MACROD2: variants seen among roughly 807,000 people sequenced by gnomAD.
The protein encoded by MACROD2 is ADP-ribose glycohydrolase MACROD2.
In MACROD2, 36 loss-of-function variants were observed where a neutral mutation model predicts 70.4. The ratio of observed to expected loss-of-function variants is 0.51; its 90% CI spans 0.39 to 0.68. MACROD2 has a LOEUF of 0.68. Ranked by LOEUF, MACROD2 falls within the 30% of genes least tolerant of loss-of-function variation. The pLI is 0.00. For synonymous variants in MACROD2, 172 were observed against 178.8 expected, an observed-to-expected ratio of 0.96 and a Z score of 0.30; for missense variants, 496 against 538.4, an observed-to-expected ratio of 0.92 and a Z score of 0.78.
rs367623027 is a variant in MACROD2, at chr20:15,303,048, T to C, written c.540+72987T>C. On this transcript the variant is annotated intron_variant, in intron 6 of 17. Transcript: ENST00000684519. ...CACAAGTGACATGCTTGGTAAATAG[T>C]AGCTGCTGTTAATTCTTTTAAATTC... Among the ~76,000 whole-genome samples, 146 of 152,356 alleles carry C rather than the reference T, an allele frequency of 9.6e-4. 2 individuals carry two copies. In the South Asian group the frequency reaches 0.03, roughly 31 times the overall value.
chr20:14,886,880 CA>C (rs1268946270), intron 5 of MACROD2, among the ~76,000 whole-genome samples: 2 of 152,118 alleles, frequency 1.3e-5, no homozygotes, highest in African/African-American at 2.4e-5. Context: ...GCCATCATGG[CA>C]GCCTTCTTTA....
intron 8 of MACROD2, among the ~76,000 whole-genome samples, chr20:15,723,398 A>G (rs952904514): frequency 6.6e-5 from 10 of 152,228 alleles, no homozygotes; most frequent in African/African-American, 2.2e-4. Flanking sequence ...AGTATCTTAC[A>G]GAGTATTTTC....
intron 4 of MACROD2, among the ~76,000 whole-genome samples, chr20:14,618,011 G>C (rs980440018): frequency 1.3e-5 from 2 of 152,108 alleles, no homozygotes; most frequent in Admixed American, 1.3e-4. Flanking sequence ...ATGTCATCCT[G>C]ACTAAAGTCA....
chr20:15,612,837 GCTT>G (rs970318230), intron 8 of MACROD2, among the ~76,000 whole-genome samples: 14 of 152,316 alleles, frequency 9.2e-5, no homozygotes, highest in Admixed American at 2.6e-4. Context: ...AAATAGGACA[GCTT>G]CTTTTGAGAG....
At chr20:14,298,839 G>C (rs1390870453) in intron 3 of MACROD2, among the ~76,000 whole-genome samples, 1 of 152,130 alleles carries the variant, frequency 6.6e-6, no homozygotes. Flanking sequence ...AATAGCAGGA[G>C]AACTAGAACT....
intron 3 of MACROD2, among the ~76,000 whole-genome samples, chr20:14,448,264 T>A (rs2084205614): frequency 6.6e-6 from 1 of 151,996 alleles, no homozygotes; most frequent in African/African-American, 2.4e-5. Flanking sequence ...TGTACTAAAT[T>A]GAGACTCTGT....
At chr20:15,929,203 A>C (rs553052052) in intron 10 of MACROD2, among the ~76,000 whole-genome samples, 1 of 152,276 alleles carries the variant, frequency 6.6e-6, no homozygotes, top group Non-Finnish European at 1.5e-5. Flanking sequence ...TTGGGTTCAA[A>C]CTTGCTCCAT....
At chr20:14,988,667 A>G (rs187581421) in intron 5 of MACROD2, among the ~76,000 whole-genome samples, 91 of 152,292 alleles carry the variant, frequency 6.0e-4, no homozygotes, top group African/African-American at 2.0e-3. Context: ...ACTCATCAGT[A>G]CCCACATCTG....
chr20:15,062,888 A>G (rs543351294), intron 5 of MACROD2, among the ~76,000 whole-genome samples: 1 of 152,302 alleles, frequency 6.6e-6, no homozygotes, highest in Non-Finnish European at 1.5e-5. Flanking sequence ...CTGGTGTCCA[A>G]AACTCCCCAG....
intron 8 of MACROD2, among the ~76,000 whole-genome samples, chr20:15,683,260 A>G (rs1197656230): frequency 6.6e-6 from 1 of 152,288 alleles, no homozygotes. Flanking sequence ...GTATAATGCA[A>G]TGCCTCTTTG....
chr20:14,797,459 T>C (rs1171078980), intron 5 of MACROD2, among the ~76,000 whole-genome samples: 3 of 152,058 alleles, frequency 2.0e-5, no homozygotes. Context: ...CCAGACATAC[T>C]GGCCTTCCTT....
rs114999271 is a variant in MACROD2 at position 14,394,163 on chromosome 20, G to A, written c.272-99316G>A. Among the ~76,000 whole-genome samples the A allele has an allele frequency of 6.3e-3, 959 of 152,274 alleles. 14 individuals are homozygous for A. The highest frequency in any genetic ancestry group is 0.023 in the African/African-American group (936 of 41,546). On this transcript the variant is annotated intron_variant, in intron 3 of 17. Transcript: ENST00000684519. ...GTTTTAGTATACATGGAATCAGTTT[G>A]TCAATTGAGATTGTGTTGAATTTAT...
chr20:15,262,930 C>T (rs1277250391), intron 6 of MACROD2, among the ~76,000 whole-genome samples: 2 of 152,034 alleles, frequency 1.3e-5, no homozygotes, highest in Non-Finnish European at 2.9e-5. Flanking sequence ...CTTATATATT[C>T]TGGTTATCAA....
chr20:15,111,198 A>G (rs1460364142), intron 5 of MACROD2, among the ~76,000 whole-genome samples: 3 of 140,274 alleles, frequency 2.1e-5, no homozygotes, highest in South Asian at 2.2e-4. Flanking sequence ...TTTGCGACGG[A>G]GTCTCACTCT....
intron 4 of MACROD2, among the ~76,000 whole-genome samples, chr20:14,548,962 T>C (rs991585650): frequency 1.3e-5 from 2 of 152,178 alleles, no homozygotes; most frequent in Non-Finnish European, 2.9e-5. Flanking sequence ...GTGAGAGCAC[T>C]GGAGGACATG....
intron 4 of MACROD2, chr20:14,554,413 GT>G (rs1978884258): frequency 6.6e-6 from 1 of 152,142 alleles, no homozygotes; most frequent in Admixed American, 6.6e-5. Context: ...TGCCAGGGCT[GT>G]GCAACCCATC....
At chr20:15,009,640 C>T (rs909361129) in intron 5 of MACROD2, among the ~76,000 whole-genome samples, 1 of 152,130 alleles carries the variant, frequency 6.6e-6, no homozygotes, top group African/African-American at 2.4e-5. Context: ...AATTAAGCTA[C>T]ACTTTTCCCC....
chr20:14,957,639 A>T (rs1007587728), intron 5 of MACROD2, among the ~76,000 whole-genome samples: 3 of 152,120 alleles, frequency 2.0e-5, no homozygotes, highest in Non-Finnish European at 2.9e-5. Flanking sequence ...GCTGATAGTG[A>T]TGTCTGACCC....
chr20:14,969,401 C>CACACAT (rs5840640), intron 5 of MACROD2, among the ~76,000 whole-genome samples: 49 of 135,822 alleles, frequency 3.6e-4, no homozygotes, highest in African/African-American at 1.4e-3. Flanking sequence ...CACACACACA[C>CACACAT]ATATATAAGC....
Sources: gnomAD v4.1 joint callset for allele counts (sites outside exome capture counted in the v4.1 genomes callset) on GRCh38, gnomAD v4.1.1 for gene constraint, MANE v1.5 for transcripts, NCBI Gene and HGNC (gene_info 2026-07-23, HGNC 2026-07-21) for gene names.